KIAA0825: variants seen among roughly 807,000 people sequenced by gnomAD.
KIAA0825 encodes the protein KIAA0825.
Under a neutral mutation model 147.6 loss-of-function variants are expected in KIAA0825, and 119 were observed. The ratio of observed to expected loss-of-function variants is 0.81; its 90% confidence interval spans 0.69 to 0.94. The LOEUF (loss-of-function observed/expected upper bound fraction) is 0.94, where lower values mean the gene tolerates loss of function less well. KIAA0825 is among the 40% of genes least tolerant of loss of function. The probability of loss-of-function intolerance (pLI) is 0.00; values close to 1 mark genes in which losing one functional copy is unlikely to be tolerated. For missense variants in KIAA0825, 1,381 were observed against 1,472.7 expected (o/e 0.94, Z 1.02); for synonymous variants, 470 against 518.1 (o/e 0.91, Z 1.26).
At chr5:94,220,974 C>G (rs2150063852) in intron 20 of KIAA0825, among the ~76,000 whole-genome samples, 1 of 152,190 alleles carries the variant, frequency 6.6e-6, no homozygotes, top group East Asian at 1.9e-4. Flanking sequence ...TCAGTAACCA[C>G]TGATTCATTT....
intron 20 of KIAA0825, among the ~76,000 whole-genome samples, chr5:94,173,104 G>GT (rs1768784449): frequency 6.6e-6 from 1 of 152,094 alleles, no homozygotes; most frequent in African/African-American, 2.4e-5. Context: ...GATTAAGCAA[G>GT]TGTGAGACAA....
chr5:94,419,183 C>A (rs1304116564), intron 14 of KIAA0825, among the ~76,000 whole-genome samples: 6 of 152,142 alleles, frequency 3.9e-5, no homozygotes, highest in African/African-American at 1.4e-4. Flanking sequence ...CCAATTTTCC[C>A]TCTTTGATTA....
intron 20 of KIAA0825, among the ~76,000 whole-genome samples, chr5:94,160,583 A>C (rs1198951420): frequency 6.7e-6 from 1 of 148,332 alleles, no homozygotes; most frequent in Non-Finnish European, 1.5e-5. Context: ...GTATATATTA[A>C]ATATATACTG....
At chr5:94,333,517 G>A (rs890182470) in intron 20 of KIAA0825, among the ~76,000 whole-genome samples, 1 of 152,128 alleles carries the variant, frequency 6.6e-6, no homozygotes, top group Non-Finnish European at 1.5e-5. Flanking sequence ...TGTCAGGTTT[G>A]TCAAAGATCA....
At chr5:94,284,831 C>G (rs1777600862) in intron 20 of KIAA0825, among the ~76,000 whole-genome samples, 1 of 152,098 alleles carries the variant, frequency 6.6e-6, no homozygotes. Flanking sequence ...GTGCCGTACC[C>G]TCTGCCACAG....
At chr5:94,452,346 T>G (rs1470188690) in intron 13 of KIAA0825, among the ~76,000 whole-genome samples, 1 of 152,176 alleles carries the variant, frequency 6.6e-6, no homozygotes, top group East Asian at 1.9e-4. Context: ...GAATCAAGAA[T>G]GTATGGGGAT....
chr5:94,348,459 C>A (rs1367169713), intron 20 of KIAA0825, among the ~76,000 whole-genome samples: 2 of 152,142 alleles, frequency 1.3e-5, no homozygotes, highest in East Asian at 1.9e-4. Context: ...CAGCAGAAAC[C>A]CTGCAAGCTA....
At chr5:94,336,306 A>G (rs999062683) in intron 20 of KIAA0825, among the ~76,000 whole-genome samples, 1 of 151,348 alleles carries the variant, frequency 6.6e-6, no homozygotes, top group African/African-American at 2.4e-5. Flanking sequence ...CATGTGCAGA[A>G]TGTGCATGTT....
intron 20 of KIAA0825, among the ~76,000 whole-genome samples, chr5:94,328,806 C>A (rs79101503): frequency 0.023 from 3,521 of 151,400 alleles, 156 homozygotes; most frequent in African/African-American, 0.081. Context: ...AGACTTAAAT[C>A]TTTTCAAATG....
chr5:94,322,525 C>T (rs1188537961), intron 20 of KIAA0825, among the ~76,000 whole-genome samples: 3 of 151,866 alleles, frequency 2.0e-5, no homozygotes, highest in Non-Finnish European at 4.4e-5. Flanking sequence ...ATTCTACAGG[C>T]ATGCCTTGCA....
At chr5:94,173,380 G>A (rs1283600507) in intron 20 of KIAA0825, among the ~76,000 whole-genome samples, 3 of 152,302 alleles carry the variant, frequency 2.0e-5, no homozygotes, top group African/African-American at 7.2e-5. Context: ...AAGATTGGGA[G>A]ACACTCATCT....
At chr5:94,201,869 G>A (rs1015075519) in intron 20 of KIAA0825, among the ~76,000 whole-genome samples, 1 of 152,202 alleles carries the variant, frequency 6.6e-6, no homozygotes, top group Admixed American at 6.5e-5. Context: ...AAGGAGCAGT[G>A]TGGGGGTCAG....
At chr5:94,199,801 C>G (rs1057338404) in intron 20 of KIAA0825, among the ~76,000 whole-genome samples, 3 of 152,124 alleles carry the variant, frequency 2.0e-5, no homozygotes, top group African/African-American at 7.2e-5. Flanking sequence ...AAGTGCGCAC[C>G]AGTGGAGGTC....
At chr5:94,307,294 A>G (rs1778805496) in intron 20 of KIAA0825, among the ~76,000 whole-genome samples, 1 of 151,806 alleles carries the variant, frequency 6.6e-6, no homozygotes, top group East Asian at 1.9e-4. Flanking sequence ...TGTGCCTGAC[A>G]GGCTGCAACT....
At chr5:94,220,164 A>C (rs1359670768) in intron 20 of KIAA0825, among the ~76,000 whole-genome samples, 3 of 152,286 alleles carry the variant, frequency 2.0e-5, no homozygotes, top group African/African-American at 4.8e-5. Context: ...TTTGTTAAAA[A>C]CTAAGACTGA....
At chr5:94,212,381 A>G (rs1170051382) in intron 20 of KIAA0825, among the ~76,000 whole-genome samples, 2 of 152,210 alleles carry the variant, frequency 1.3e-5, no homozygotes, top group African/African-American at 4.8e-5. Context: ...CCACTGTATC[A>G]AGGTTTTACA....
At chr5:94,425,946 C>A (rs965508638) in intron 14 of KIAA0825, among the ~76,000 whole-genome samples, 2 of 151,912 alleles carry the variant, frequency 1.3e-5, no homozygotes, top group Admixed American at 1.3e-4. Flanking sequence ...CTGCTGGGCT[C>A]AAGTGATCCT....
At chr5:94,165,340 C>T (rs928869298) in intron 20 of KIAA0825, among the ~76,000 whole-genome samples, 2 of 152,010 alleles carry the variant, frequency 1.3e-5, no homozygotes, top group Non-Finnish European at 2.9e-5. Flanking sequence ...TGGCTTATAT[C>T]CCAAAGACAG....
At chr5:94,245,125 G>A (rs17083483) in intron 20 of KIAA0825, among the ~76,000 whole-genome samples, 19,933 of 152,052 alleles carry the variant, frequency 0.13, 1,555 homozygotes, top group East Asian at 0.22. Context: ...AGGCTAAAAC[G>A]TCCCTTGGTT....
Sources: allele counts gnomAD v4.1 joint callset (sites outside exome capture counted in the v4.1 genomes callset), GRCh38; gene constraint gnomAD v4.1.1; transcripts MANE v1.5; gene names NCBI Gene and HGNC (gene_info 2026-07-23, HGNC 2026-07-21).